Variants in GSE1 observed in about 807,000 individuals in gnomAD.
GSE1 encodes genetic suppressor element 1.
A neutral mutation model predicts 112.6 loss-of-function variants in GSE1; 32 were observed. The observed-to-expected ratio is 0.28, with a 90% CI of 0.21 to 0.38. The LOEUF (loss-of-function observed/expected upper bound fraction) is 0.38. Ranked by LOEUF, GSE1 falls within the 10% of genes least tolerant of loss-of-function variation. The probability of loss-of-function intolerance (pLI) is 1.00; values close to 1 mark genes in which losing one functional copy is unlikely to be tolerated. For missense variants in GSE1, 2,348 were observed against 1,699.2 expected (o/e 1.38, Z -6.71); for synonymous variants, 1,115 against 735.6 (o/e 1.52, Z -8.35).
chr16:85,472,840 G>A (rs1333536070), intron 2 of GSE1, among the ~76,000 whole-genome samples: 2 of 152,260 alleles, frequency 1.3e-5, no homozygotes, highest in East Asian at 1.9e-4. Context: ...GCAGGGTGCT[G>A]CAGAGCAGTG....
chr16:85,513,499 A>T (rs11648639), intron 2 of GSE1, among the ~76,000 whole-genome samples: 54,496 of 151,808 alleles, frequency 0.36, 10,440 homozygotes, highest in East Asian at 0.54. Context: ...CTCACCGCTC[A>T]CGCACCCAAC....
intron 1 of GSE1, among the ~76,000 whole-genome samples, chr16:85,257,637 C>T (rs1907224368): frequency 6.6e-6 from 1 of 152,182 alleles, no homozygotes; most frequent in South Asian, 2.1e-4. Flanking sequence ...TAGTGAGACC[C>T]CCGTTTCTAC....
chr16:85,425,118 G>C (rs2048941209), intron 2 of GSE1, among the ~76,000 whole-genome samples: 1 of 152,252 alleles, frequency 6.6e-6, no homozygotes, highest in Admixed American at 6.5e-5. Context: ...CCTGGGGCGG[G>C]GGGTTGTCCC....
intron 2 of GSE1, among the ~76,000 whole-genome samples, chr16:85,476,447 G>C (rs1287274917): frequency 6.6e-6 from 1 of 152,188 alleles, no homozygotes; most frequent in Non-Finnish European, 1.5e-5. Flanking sequence ...AGCAATCCTG[G>C]AACTCACGTC....
chr16:85,207,187 AC>A (rs374826898), intron 1 of GSE1, among the ~76,000 whole-genome samples: 1 of 149,110 alleles, frequency 6.7e-6, no homozygotes, highest in Middle Eastern at 3.5e-3. Context: ...CGAATCTGGG[AC>A]CCCCCCGTCC....
chr16:85,633,892 G>A (rs753572545), intron 1 of GSE1, 22 bp from the exon 2 acceptor site: 2 of 1,592,452 alleles, frequency 1.3e-6, no homozygotes, highest in Non-Finnish European at 8.6e-7. Context: ...GGTGACCTCT[G>A]GTTCTTCTTT....
At chr16:85,318,853 C>G (rs1207686842) in intron 1 of GSE1, among the ~76,000 whole-genome samples, 1 of 152,226 alleles carries the variant, frequency 6.6e-6, no homozygotes, top group African/African-American at 2.4e-5. Flanking sequence ...GTTCCTGGGC[C>G]ACCTTAGCTG....
At chr16:85,221,944 C>T (rs1034018732) in intron 1 of GSE1, among the ~76,000 whole-genome samples, 1 of 152,150 alleles carries the variant, frequency 6.6e-6, no homozygotes, top group African/African-American at 2.4e-5. Flanking sequence ...TCCCGGTCCC[C>T]GCCCCACAGG....
chr16:85,244,187 A>G (rs2143953676), intron 1 of GSE1, among the ~76,000 whole-genome samples: 1 of 152,266 alleles, frequency 6.6e-6, no homozygotes, highest in Admixed American at 6.5e-5. Flanking sequence ...TTAACCCTGG[A>G]TTATGCTGGT....
intron 2 of GSE1, among the ~76,000 whole-genome samples, chr16:85,400,586 G>A (rs972871675): frequency 1.2e-4 from 18 of 150,850 alleles, no homozygotes; most frequent in Admixed American, 2.6e-4. Flanking sequence ...TGATGCATGC[G>A]TCTGTGTATG....
At chr16:85,610,025 G>C (rs1768115609), upstream of GSE1, among the ~76,000 whole-genome samples, 1 of 152,216 alleles carries the variant, frequency 6.6e-6, no homozygotes, top group South Asian at 2.1e-4. Flanking sequence ...TGTGGAGGTA[G>C]GGCTAGAGTT....
chr16:85,672,185 G>C, intron 15 of GSE1: 1 of 551,254 alleles, frequency 1.8e-6, no homozygotes, highest in South Asian at 1.8e-5. Context: ...TTAGTAGATG[G>C]GGTTTCCCCA....
chr16:85,471,859 C>T (rs2050306005), intron 2 of GSE1, among the ~76,000 whole-genome samples: 1 of 152,254 alleles, frequency 6.6e-6, no homozygotes, highest in Non-Finnish European at 1.5e-5. Flanking sequence ...TGCAGACACA[C>T]ACTGTCGTGC....
chr16:85,646,962 G>A (rs1212431022), intron 2 of GSE1, among the ~76,000 whole-genome samples: 2 of 152,104 alleles, frequency 1.3e-5, no homozygotes, highest in African/African-American at 4.8e-5. Flanking sequence ...TGCAGCAGGT[G>A]CCTTTGGACA....
intron 15 of GSE1, chr16:85,671,836 A>G (rs1007911605): frequency 6.3e-6 from 1 of 157,840 alleles, no homozygotes; most frequent in Non-Finnish European, 1.4e-5. Flanking sequence ...GGATTGGTTC[A>G]GCAGATGTCC....
At chr16:85,463,208 G>A (rs1210931189) in intron 2 of GSE1, 1 of 634,340 alleles carries the variant, frequency 1.6e-6, no homozygotes, top group Admixed American at 6.3e-5. Context: ...CCCACCCGGG[G>A]CTGGAACCTG....
chr16:85,555,297 C>T (rs1598162884), upstream of GSE1: 2 of 985,310 alleles, frequency 2.0e-6, no homozygotes, highest in Non-Finnish European at 2.4e-6. Context: ...CTCCTTCTGC[C>T]CAGGCGCCAG....
intron 2 of GSE1, among the ~76,000 whole-genome samples, chr16:85,453,390 A>G (rs1212389492): frequency 6.6e-6 from 1 of 152,188 alleles, no homozygotes; most frequent in Non-Finnish European, 1.5e-5. Context: ...CGTGCCAGGC[A>G]GTGACAGTGC....
chr16:85,387,854 G>A (rs1310010290), intron 2 of GSE1, among the ~76,000 whole-genome samples: 1 of 152,208 alleles, frequency 6.6e-6, no homozygotes, highest in Non-Finnish European at 1.5e-5. Flanking sequence ...TTGCATGGAC[G>A]GATGATTGGA....
Sources: allele counts gnomAD v4.1 joint callset (sites outside exome capture counted in the v4.1 genomes callset), GRCh38; gene constraint gnomAD v4.1.1; transcripts MANE v1.5; gene names NCBI Gene and HGNC (gene_info 2026-07-23, HGNC 2026-07-21).